PAK5: variants seen among roughly 807,000 people sequenced by gnomAD.
PAK5 encodes p21 (RAC1) activated kinase 5.
Under a neutral mutation model 65.9 loss-of-function variants are expected in PAK5, and 16 were observed. That is an observed-to-expected ratio of 0.24 (90% CI 0.16 to 0.37). The LOEUF (loss-of-function observed/expected upper bound fraction) is 0.37. PAK5 is among the 10% of genes least tolerant of loss of function. PAK5 has a pLI of 1.00. For synonymous variants in PAK5, 371 were observed against 354.9 expected, an observed-to-expected ratio of 1.05 and a Z score of -0.51; for missense variants, 785 against 903.9, an observed-to-expected ratio of 0.87 and a Z score of 1.69.
intron 2 of PAK5, among the ~76,000 whole-genome samples, chr20:9,672,080 A>G (rs2047507140): frequency 6.6e-6 from 1 of 151,982 alleles, no homozygotes; most frequent in African/African-American, 2.4e-5. Context: ...AGGAAGGACA[A>G]AAAAAACTAG....
chr20:9,734,609 A>C (rs1346907069), intron 1 of PAK5, among the ~76,000 whole-genome samples: 1 of 151,520 alleles, frequency 6.6e-6, no homozygotes, highest in Non-Finnish European at 1.5e-5. Flanking sequence ...TCAGAGAAAA[A>C]CCCCAGGACC....
intron 1 of PAK5, among the ~76,000 whole-genome samples, chr20:9,745,161 T>C (rs150833812): frequency 3.3e-4 from 50 of 152,268 alleles, no homozygotes; most frequent in African/African-American, 1.2e-3. Flanking sequence ...GGCTCATTCA[T>C]TCTTTTTCTT....
chr20:9,610,970 A>G (rs1232050597), intron 3 of PAK5, among the ~76,000 whole-genome samples: 1 of 152,178 alleles, frequency 6.6e-6, no homozygotes, highest in Non-Finnish European at 1.5e-5. Context: ...TGCTCATTCA[A>G]ATGGACATCT....
At chr20:9,550,732 G>GTT in intron 7 of PAK5, among the ~76,000 whole-genome samples, 1 of 1,662 alleles carries the variant, frequency 6.0e-4, no homozygotes, top group African/African-American at 4.3e-3. Flanking sequence ...CATAATTGTG[G>GTT]TGTGTGTGTG....
intron 3 of PAK5, among the ~76,000 whole-genome samples, chr20:9,584,844 A>T (rs2046041035): frequency 6.6e-6 from 1 of 152,244 alleles, no homozygotes; most frequent in Admixed American, 6.5e-5. Context: ...CTCTTTATGA[A>T]CAATAGGCAG....
chr20:9,671,045 G>T (rs1262697418), intron 2 of PAK5, among the ~76,000 whole-genome samples: 1 of 152,126 alleles, frequency 6.6e-6, no homozygotes, highest in Non-Finnish European at 1.5e-5. Flanking sequence ...TTTCCCCATT[G>T]CTTGTTTTTG....
chr20:9,624,264 T>C (rs764334236), intron 3 of PAK5, among the ~76,000 whole-genome samples: 1 of 152,166 alleles, frequency 6.6e-6, no homozygotes, highest in Non-Finnish European at 1.5e-5. Flanking sequence ...TCCAGTCCTA[T>C]AGAAATTTTA....
At chr20:9,830,025 A>G (rs759343624) in intron 1 of PAK5, among the ~76,000 whole-genome samples, 1 of 152,110 alleles carries the variant, frequency 6.6e-6, no homozygotes, top group Non-Finnish European at 1.5e-5. Context: ...GAGCCCCATG[A>G]GCAGTGAATT....
chr20:9,570,939 C>T (rs2045770373), intron 4 of PAK5, among the ~76,000 whole-genome samples: 2 of 152,200 alleles, frequency 1.3e-5, no homozygotes, highest in South Asian at 4.1e-4. Context: ...AGCCTGCCTG[C>T]ACCAAGGGGA....
intron 1 of PAK5, among the ~76,000 whole-genome samples, chr20:9,791,761 T>G (rs1217862543): frequency 1.3e-5 from 2 of 152,088 alleles, no homozygotes; most frequent in African/African-American, 4.8e-5. Flanking sequence ...AAGGACTCCT[T>G]TAAAAAGGCA....
intron 2 of PAK5, among the ~76,000 whole-genome samples, chr20:9,646,513 T>C (rs556234202): frequency 6.6e-6 from 1 of 152,304 alleles, no homozygotes; most frequent in South Asian, 2.1e-4. Flanking sequence ...GGTCAATAAA[T>C]ACAAGTCAGC....
intron 1 of PAK5, among the ~76,000 whole-genome samples, chr20:9,779,143 C>A (rs1047307903): frequency 3.3e-5 from 5 of 152,006 alleles, no homozygotes; most frequent in African/African-American, 1.2e-4. Flanking sequence ...ACATTGGCAG[C>A]TATCACTGAT....
chr20:9,755,021 AATGTG>A (rs2048617923), intron 1 of PAK5, among the ~76,000 whole-genome samples: 1 of 152,222 alleles, frequency 6.6e-6, no homozygotes, highest in African/African-American at 2.4e-5. Flanking sequence ...CAGCTGACCA[AATGTG>A]ATGTGTTAAC....
chr20:9,728,129 C>G (rs1196713304), intron 1 of PAK5, among the ~76,000 whole-genome samples: 1 of 152,090 alleles, frequency 6.6e-6, no homozygotes, highest in African/African-American at 2.4e-5. Flanking sequence ...CCCTCATGGA[C>G]AGGATCTACG....
intron 2 of PAK5, among the ~76,000 whole-genome samples, chr20:9,661,635 A>G (rs2047348810): frequency 6.6e-6 from 1 of 152,160 alleles, no homozygotes; most frequent in South Asian, 2.1e-4. Flanking sequence ...TGGTCTTACC[A>G]GGATACAAGC....
intron 3 of PAK5, among the ~76,000 whole-genome samples, chr20:9,633,397 ATAAC>A (rs2046946465): frequency 6.6e-6 from 1 of 152,198 alleles, no homozygotes; most frequent in South Asian, 2.1e-4. Context: ...AAATAAATAA[ATAAC>A]TGGGTTCAAC....
intron 7 of PAK5, among the ~76,000 whole-genome samples, chr20:9,544,935 A>T (rs1009650974): frequency 3.3e-5 from 5 of 152,192 alleles, no homozygotes; most frequent in African/African-American, 1.2e-4. Context: ...GCACATTTAG[A>T]TTTCTATGTA....
intron 2 of PAK5, among the ~76,000 whole-genome samples, chr20:9,709,186 C>G (rs1252102844): frequency 6.6e-6 from 1 of 152,302 alleles, no homozygotes; most frequent in Admixed American, 6.5e-5. Context: ...CAGTGGATGA[C>G]AAGACTAATC....
At chr20:9,552,292 T>C (rs1388386190) in intron 7 of PAK5, among the ~76,000 whole-genome samples, 1 of 152,236 alleles carries the variant, frequency 6.6e-6, no homozygotes, top group Non-Finnish European at 1.5e-5. Context: ...TCAAAGTCAG[T>C]CACTCACTGC....
Sources: gnomAD v4.1 joint callset for allele counts (sites outside exome capture counted in the v4.1 genomes callset) on GRCh38, gnomAD v4.1.1 for gene constraint, MANE v1.5 for transcripts, NCBI Gene and HGNC (gene_info 2026-07-23, HGNC 2026-07-21) for gene names.